The following DENND1A variants were observed in gnomAD, a reference collection of about 807,000 sequenced individuals.
DENND1A encodes DENN domain containing 1A, also known as DENN domain-containing protein 1A.
In DENND1A, 51 loss-of-function variants were observed where a neutral mutation model predicts 113.7. The ratio of observed to expected loss-of-function variants is 0.45; its 90% CI spans 0.36 to 0.57. The LOEUF is 0.57. DENND1A is among the 20% of genes least tolerant of loss of function. DENND1A has a pLI of 0.00. For synonymous variants in DENND1A, 565 were observed against 570.8 expected, an observed-to-expected ratio of 0.99 and a Z score of 0.14; for missense variants, 1,258 against 1,395.9, an observed-to-expected ratio of 0.90 and a Z score of 1.57.
At chr9:123,696,773 T>C (rs1410601368) in intron 5 of DENND1A, among the ~76,000 whole-genome samples, 1 of 152,274 alleles carries the variant, frequency 6.6e-6, no homozygotes, top group East Asian at 1.9e-4. Context: ...ATTTTTTACA[T>C]GAACTCATTA....
intron 8 of DENND1A, among the ~76,000 whole-genome samples, chr9:123,652,668 C>T (rs1243772240): frequency 6.6e-6 from 1 of 152,218 alleles, no homozygotes; most frequent in East Asian, 1.9e-4. Context: ...CCCGTCATCA[C>T]TGCTGGTATC....
intron 5 of DENND1A, among the ~76,000 whole-genome samples, chr9:123,750,464 C>T (rs2069916009): frequency 1.3e-5 from 2 of 152,178 alleles, no homozygotes; most frequent in Non-Finnish European, 2.9e-5. Context: ...CTCAGAAGGG[C>T]CCTGGGCCTA....
intron 10 of DENND1A, among the ~76,000 whole-genome samples, chr9:123,628,276 C>A (rs2061329480): frequency 6.6e-6 from 1 of 151,646 alleles, no homozygotes; most frequent in Non-Finnish European, 1.5e-5. Flanking sequence ...GACATCTCAA[C>A]AAACAGGTGA....
rs1259677501 is a variant in DENND1A at position 123,690,056 on chromosome 9, GGGAGGGAGGGAGGGAGGGAAGAAGGAAA to G, written c.303-13295_303-13268del. Among the ~76,000 whole-genome samples the G allele has an allele frequency of 7.2e-5, 9 of 125,868 alleles. No individual in the cohort carries two copies. In the South Asian group the frequency reaches 8.8e-4, roughly 12 times the overall value. 82.6% of individuals were successfully genotyped at this position (125,868 alleles called of 152,430 possible). On this transcript the variant is annotated intron_variant, in intron 5 of 23. Transcript: ENST00000394215. ...AGAAAAGGAGGGAAGAAGGAAAGGA[GGGAGGGAGGGAGGGAGGGAAGAAGGAAA>G]GGAGGGAGGGAGGGAGGGAGGGAGG...
intron 8 of DENND1A, among the ~76,000 whole-genome samples, chr9:123,659,236 CCT>C (rs917420866): frequency 2.6e-5 from 4 of 152,148 alleles, no homozygotes; most frequent in African/African-American, 9.7e-5. Flanking sequence ...GCCTATTTAT[CCT>C]TTTTGTTGCT....
chr9:123,412,756 G>A (rs961186184), intron 19 of DENND1A, among the ~76,000 whole-genome samples: 10 of 152,158 alleles, frequency 6.6e-5, no homozygotes, highest in South Asian at 4.1e-4. Context: ...AAAAATTCAC[G>A]CGAGACCCAG....
intron 22 of DENND1A, among the ~76,000 whole-genome samples, chr9:123,384,515 T>G (rs1465809002): frequency 6.6e-6 from 1 of 152,168 alleles, no homozygotes. Context: ...GTGGTGGTGG[T>G]GGTTACATGA....
intron 1 of DENND1A, chr9:123,928,866 A>AC (rs1857538481): frequency 1.0e-6 from 1 of 985,382 alleles, no homozygotes; most frequent in African/African-American, 1.7e-5. Flanking sequence ...AAGAGGGTTT[A>AC]AAGTGTCCTA....
intron 9 of DENND1A, among the ~76,000 whole-genome samples, chr9:123,632,480 C>T (rs963286374): frequency 6.6e-6 from 1 of 152,138 alleles, no homozygotes; most frequent in East Asian, 1.9e-4. Flanking sequence ...GGAGAATGAA[C>T]CAACTCTGAC....
chr9:123,688,758 G>T (rs2064985335), intron 5 of DENND1A, among the ~76,000 whole-genome samples: 3 of 152,108 alleles, frequency 2.0e-5, no homozygotes, highest in Non-Finnish European at 4.4e-5. Context: ...AAATGCCACT[G>T]GTCACTCTCT....
chr9:123,511,955 G>A (rs537107709), intron 13 of DENND1A, among the ~76,000 whole-genome samples: 5 of 152,318 alleles, frequency 3.3e-5, no homozygotes, highest in Admixed American at 2.6e-4. Context: ...TGTGGAAGCC[G>A]TGTGCAGTCA....
chr9:123,788,804 G>A (rs1832574479), intron 3 of DENND1A, among the ~76,000 whole-genome samples: 1 of 152,026 alleles, frequency 6.6e-6, no homozygotes, highest in Admixed American at 6.6e-5. Context: ...CAAATCCAAA[G>A]TAACTGAAAA....
chr9:123,806,287 G>A (rs1835551090), intron 2 of DENND1A, among the ~76,000 whole-genome samples: 2 of 151,436 alleles, frequency 1.3e-5, no homozygotes, highest in African/African-American at 4.9e-5. Flanking sequence ...ACAGAGTCTC[G>A]CTCTGTCACC....
chr9:123,573,180 G>A (rs906662841), intron 12 of DENND1A, among the ~76,000 whole-genome samples: 1 of 152,052 alleles, frequency 6.6e-6, no homozygotes, highest in African/African-American at 2.4e-5. Flanking sequence ...CTTGATTACT[G>A]TAACTTTATA....
chr9:123,542,638 G>A lies in DENND1A; in HGVS notation c.993+14932C>T, dbSNP rs77834545. ...GGTTTGGCCCATGCAAGGCACCAGCGAGAGATTAGGAGGAGGAAAGTGGAA... is the reference window on the plus strand; with the variant it reads ...GGTTTGGCCCATGCAAGGCACCAGCAAGAGATTAGGAGGAGGAAAGTGGAA... On this transcript the variant is annotated intron_variant, in intron 13 of 23. Coordinates refer to ENST00000394215, the MANE Select transcript of DENND1A (RefSeq NM_001352964.2). Among the ~76,000 whole-genome samples, 316 of 152,188 alleles carry A rather than the reference G, an allele frequency of 2.1e-3. 1 individual carries two copies. The highest frequency in any genetic ancestry group is 7.2e-3 in the African/African-American group (300 of 41,526).
intron 2 of DENND1A, among the ~76,000 whole-genome samples, chr9:123,797,584 C>A (rs2132150561): frequency 6.6e-6 from 1 of 152,104 alleles, no homozygotes; most frequent in East Asian, 1.9e-4. Flanking sequence ...GTTTCAAGGA[C>A]ACTAGTAAAC....
At chr9:123,727,139 A>C (rs1466711203) in intron 5 of DENND1A, among the ~76,000 whole-genome samples, 1 of 152,206 alleles carries the variant, frequency 6.6e-6, no homozygotes, top group East Asian at 1.9e-4. Flanking sequence ...TACAACAATA[A>C]AACATGAACA....
rs557284142 is a variant in DENND1A at position 123,617,281 on chromosome 9, C to T, written c.720-7800G>A. ...AGATTAGGGGAGAAGGCAGAGATGG[C>T]CTAGTTTCCATTTGTGGTTTCGACA... On this transcript the variant is annotated intron_variant, in intron 10 of 23. Coordinates refer to ENST00000394215, the MANE Select transcript of DENND1A (RefSeq NM_001352964.2). 1.4e-4 allele frequency among the ~76,000 whole-genome samples: 22 copies of T among 152,326 alleles called. No homozygotes were observed. In the East Asian group the frequency reaches 4.2e-3, roughly 29 times the overall value.
chr9:123,496,660 C>A (rs1051570967), intron 13 of DENND1A, among the ~76,000 whole-genome samples: 2 of 152,174 alleles, frequency 1.3e-5, no homozygotes, highest in Non-Finnish European at 2.9e-5. Flanking sequence ...TGCAGATCTG[C>A]GGAACTGCGC....
Sources: gnomAD v4.1 joint callset for allele counts (sites outside exome capture counted in the v4.1 genomes callset) on GRCh38, gnomAD v4.1.1 for gene constraint, MANE v1.5 for transcripts, NCBI Gene and HGNC (gene_info 2026-07-23, HGNC 2026-07-21) for gene names.